The following DCUN1D2 variants were observed in gnomAD, a reference collection of about 807,000 sequenced individuals.
DCUN1D2 encodes the protein DCN1-like protein 2.
Under a neutral mutation model 30.9 loss-of-function variants are expected in DCUN1D2, and 29 were observed. The observed-to-expected ratio is 0.94, with a 90% confidence interval of 0.70 to 1.28. DCUN1D2 has a LOEUF of 1.28. DCUN1D2 is among the 50% of genes most tolerant of loss of function. DCUN1D2 has a pLI of 0.00. For synonymous variants in DCUN1D2, 121 were observed against 115.3 expected (o/e 1.05, Z -0.32); for missense variants, 325 against 316.9 (o/e 1.03, Z -0.19).
At chr13:113,477,171 TA>T (rs1463992428) in intron 3 of DCUN1D2, among the ~76,000 whole-genome samples, 5 of 152,222 alleles carry the variant, frequency 3.3e-5, no homozygotes, top group Admixed American at 2.0e-4. Context: ...AAATTACACA[TA>T]AACAAACCCA....
At chr13:113,477,883 G>C (rs189449796) in intron 3 of DCUN1D2, among the ~76,000 whole-genome samples, 133 of 152,100 alleles carry the variant, frequency 8.7e-4, no homozygotes, top group Non-Finnish European at 1.3e-3. Context: ...GTATCATCCT[G>C]GGCTTATCGT....
intron 3 of DCUN1D2, among the ~76,000 whole-genome samples, chr13:113,478,388 C>A (rs552785835): frequency 6.6e-6 from 1 of 151,700 alleles, no homozygotes; most frequent in African/African-American, 2.4e-5. Flanking sequence ...TTTTCATCTA[C>A]GTACGTTACT....
At chr13:113,460,153 G>A (rs1163038146) in intron 5 of DCUN1D2, among the ~76,000 whole-genome samples, 4 of 152,222 alleles carry the variant, frequency 2.6e-5, no homozygotes, top group Non-Finnish European at 4.4e-5. Context: ...TAGCTGCAAA[G>A]ACGTCTCTCC....
chr13:113,477,932 C>T (rs1025424356), intron 3 of DCUN1D2, among the ~76,000 whole-genome samples: 1 of 152,128 alleles, frequency 6.6e-6, no homozygotes, highest in East Asian at 1.9e-4. Context: ...TTTCCTGATA[C>T]TGTGTGTAGG....
At chr13:113,463,658 G>T (rs567527747) in intron 4 of DCUN1D2, among the ~76,000 whole-genome samples, 37 of 152,090 alleles carry the variant, frequency 2.4e-4, no homozygotes, top group Non-Finnish European at 5.1e-4. Flanking sequence ...TCTCTATTAG[G>T]TTAACCGTTA....
chr13:113,462,851 TTAA>T (rs754305826), intron 4 of DCUN1D2: 11 of 1,258,498 alleles, frequency 8.7e-6, no homozygotes, highest in Non-Finnish European at 1.0e-5. Context: ...TCAACTCATC[TTAA>T]TGATGTAAAG....
intron 1 of DCUN1D2, among the ~76,000 whole-genome samples, chr13:113,487,470 T>C (rs1177997237): frequency 6.6e-6 from 1 of 152,160 alleles, no homozygotes; most frequent in African/African-American, 2.4e-5. Context: ...AGCCACACAG[T>C]GTATGATTCC....
chr13:113,461,405 C>T (rs2044316267), intron 4 of DCUN1D2, among the ~76,000 whole-genome samples: 1 of 152,210 alleles, frequency 6.6e-6, no homozygotes, highest in African/African-American at 2.4e-5. Context: ...GTTTTGGAGA[C>T]TTGCCTTTTC....
rs2044691956 is a variant in DCUN1D2, at chr13:113,480,658, T to G, written c.306A>C (p.Val102=). Reference sequence around the variant, plus strand: ...CCCTGAACTTCCACGCTATGACCAATACACTGATACTGGCAGGATCCAGGC... The same window carrying G: ...CCCTGAACTTCCACGCTATGACCAAGACACTGATACTGGCAGGATCCAGGC... ...DLSLDPASIS[V]LVIAWKFRAA... is the part of the protein sequence containing the mutation. The change falls in exon 3 of 7, where the codon GTA becomes GTC. Residue 102 remains valine, a synonymous_variant. Transcript: ENST00000478244. 1.9e-6 allele frequency: 3 copies of G among 1,614,054 alleles called. No homozygotes were observed. Among genetic ancestry groups the G allele is most frequent in the Non-Finnish European group, 2.5e-6 (3 of 1,180,028 alleles).
chr13:113,479,336 T>C (rs2044668347), intron 3 of DCUN1D2, among the ~76,000 whole-genome samples: 1 of 152,246 alleles, frequency 6.6e-6, no homozygotes, highest in African/African-American at 2.4e-5. Context: ...TAAGTGTGAC[T>C]GCCTTCTTGG....
rs148864326 is a variant in DCUN1D2, at chr13:113,489,047, A to G, written c.3+1620T>C. The G allele has an allele frequency of 6.6e-4, 594 of 906,408 alleles. 4 individuals carry two copies. The African/African-American group carries it at 9.6e-3, about 15-fold the overall frequency. The allele number at this position is 906,408 out of a possible 1,614,324, so 56.1% of individuals were successfully genotyped here. ...GGCACCAAGGATACCCATATGTAAA[A>G]TGGAAAGAAATTACTCTTAAAATGT... On this transcript the variant is annotated intron_variant, in intron 1 of 6. Transcript: ENST00000478244.
chr13:113,480,974 GA>G (rs11352484), intron 2 of DCUN1D2, among the ~76,000 whole-genome samples: 191 of 147,726 alleles, frequency 1.3e-3, no homozygotes, highest in Middle Eastern at 3.5e-3. Context: ...GGGTTTTAGG[GA>G]AAAAAAAAAA....
Position 113,490,705 on chromosome 13 carries a change from C to T in DCUN1D2, c.-36G>A, listed in dbSNP as rs1224741046. ...CCGCCCGCTTCTGGCCGGCCCCGGC[C>T]TTCTGCGCAGGCGCGGCGGCGGCTC... is the stretch of plus-strand genomic sequence containing the variant. On this transcript the variant is annotated 5_prime_UTR_variant, in exon 1 of 7. Transcript: ENST00000478244. The surrounding 1 kb of genome is among the most constrained non-coding windows in gnomAD (Gnocchi z 5.2). The T allele has an allele frequency of 2.5e-6, 3 of 1,210,310 alleles. No homozygotes were observed. Among genetic ancestry groups the T allele is most frequent in the East Asian group, 3.7e-5 (1 of 26,950 alleles). 75.0% of individuals were successfully genotyped at this position (1,210,310 alleles called of 1,614,324 possible).
Position 113,484,019 on chromosome 13 carries a change from T to C in DCUN1D2, c.41A>G (p.Gln14Arg). ...GCCAGCCTGAGTGCACGCCATAAAC[T>C]GGCGGACCTTGTCCTTCTGAGACGA... ...LKSSQKDKVR[Q>R]FMACTQAGER... Residue 14 changes from glutamine to arginine, a missense_variant, in exon 2 of 7, where the codon CAG becomes CGG. By Grantham distance (43) the Gln-to-Arg change is conservative. Transcript: ENST00000478244. 1 of 1,614,126 alleles carries C rather than the reference T, an allele frequency of 6.2e-7. No homozygotes were observed.
rs1328556401 is a variant in DCUN1D2 at position 113,490,260 on chromosome 13, T to C, written c.3+407A>G. On this transcript the variant is annotated intron_variant, in intron 1 of 6. Transcript: ENST00000478244. The surrounding 1 kb of genome is among the most constrained non-coding windows in gnomAD (Gnocchi z 5.2). ...CGCGGATTCCTTCCTTGCGCTGTTT[T>C]GGTCAACAGCCTCAGCATCTGCACA... 6.6e-6 allele frequency among the ~76,000 whole-genome samples: 1 copy of C among 152,176 alleles called. No individual in the cohort carries two copies. Among genetic ancestry groups the C allele is most frequent in the Non-Finnish European group, 1.5e-5 (1 of 68,020 alleles).
intron 1 of DCUN1D2, among the ~76,000 whole-genome samples, chr13:113,486,943 C>A (rs1037163810): frequency 6.6e-6 from 1 of 152,224 alleles, no homozygotes; most frequent in Non-Finnish European, 1.5e-5. Context: ...TTTACAAAAA[C>A]AGACAGCTAG....
At chr13:113,468,373 G>A (rs929140158) in intron 4 of DCUN1D2, among the ~76,000 whole-genome samples, 2 of 152,196 alleles carry the variant, frequency 1.3e-5, no homozygotes, top group Admixed American at 6.5e-5. Flanking sequence ...CCAGTGGCTG[G>A]GGGAGAGGGG....
At chr13:113,469,589 G>A (rs1209366988) in intron 4 of DCUN1D2, among the ~76,000 whole-genome samples, 1 of 152,206 alleles carries the variant, frequency 6.6e-6, no homozygotes, top group East Asian at 1.9e-4. Context: ...GCTGAGGTGG[G>A]AGGATCACTG....
At chr13:113,475,811 T>G (rs748327898) in intron 3 of DCUN1D2, 3 of 152,254 alleles carry the variant, frequency 2.0e-5, no homozygotes, top group Non-Finnish European at 2.9e-5. Context: ...GAGTGTGACC[T>G]TCTTAAAAAA....
Sources: allele counts gnomAD v4.1 joint callset (sites outside exome capture counted in the v4.1 genomes callset), GRCh38; gene constraint gnomAD v4.1.1; non-coding constraint Gnocchi (gnomAD v3.1); transcripts MANE v1.5; gene names NCBI Gene and HGNC (gene_info 2026-07-23, HGNC 2026-07-21).